The following METTL2A variants were observed in gnomAD, a reference collection of about 807,000 sequenced individuals.
METTL2A encodes tRNA N(3)-cytidine methyltransferase METTL2A.
In METTL2A, 45 loss-of-function variants were observed where a neutral mutation model predicts 49.4. The observed-to-expected ratio is 0.91, with a 90% CI of 0.72 to 1.17. METTL2A has a LOEUF of 1.17. Ranked by LOEUF, METTL2A falls within the 50% of genes most tolerant of loss-of-function variation. METTL2A has a pLI of 0.00. For missense variants in METTL2A, 361 were observed against 462.2 expected (o/e 0.78, Z 2.01); for synonymous variants, 118 against 167.5 (o/e 0.70, Z 2.28).
In METTL2A at chr17:62,444,106, A is replaced by G. The variant is rs139872255; in HGVS notation, c.810-731A>G. On this transcript the variant is annotated intron_variant, in intron 6 of 8. Coordinates refer to ENST00000311506, the MANE Select transcript of METTL2A (RefSeq NM_181725.4). ...ACAAGTCTTCATTTAACAAACAGAA[A>G]GATACAGCCCCTACATTGAAAGAGC... 1.6e-4 allele frequency among the ~76,000 whole-genome samples: 24 copies of G among 152,316 alleles called. No individual in the cohort carries two copies. The East Asian group carries it at 4.4e-3, about 28-fold the overall frequency.
rs552379544 is a variant in METTL2A, at chr17:62,430,262, A to T, written c.608+2425A>T. 2.0e-5 allele frequency among the ~76,000 whole-genome samples: 3 copies of T among 152,344 alleles called. No homozygotes were observed. In the South Asian group the frequency reaches 6.2e-4, roughly 32 times the overall value. ...GTCTGAGGAACCCACCTCAAATGGG[A>T]GATTGACTTAGCTTCAAGTTATGGC... On this transcript the variant is annotated intron_variant, in intron 4 of 8. Transcript: ENST00000311506.
intron 4 of METTL2A, among the ~76,000 whole-genome samples, chr17:62,434,553 T>G (rs138214294): frequency 8.5e-5 from 13 of 152,310 alleles, no homozygotes; most frequent in Non-Finnish European, 1.6e-4. Flanking sequence ...GCATTACAAA[T>G]TGTTTTGTAT....
chr17:62,448,683 G>A lies in METTL2A; in HGVS notation c.1091G>A (p.Trp364Ter). Residue 364 changes from tryptophan to a stop codon, truncating the protein, a stop_gained, in exon 9 of 9, where the codon TGG becomes TAG. Transcript: ENST00000311506. LOFTEE classifies it high-confidence loss of function. ...AAGCAACTGACAATGTACCGGGTTT[G>A]GATTCAGTGCAAATACTGCAAGCCC... ...RGKQLTMYRV[W>*]IQCKYCKPLL... The A allele has an allele frequency of 1.2e-6, 2 of 1,614,176 alleles. No individual in the cohort carries two copies. Among genetic ancestry groups the A allele is most frequent in the Non-Finnish European group, 1.7e-6 (2 of 1,180,046 alleles).
In METTL2A at chr17:62,452,141, T is replaced by C. The variant is rs1431614847; in HGVS notation, c.*3412T>C. 1.3e-5 allele frequency among the ~76,000 whole-genome samples: 2 copies of C among 152,244 alleles called. No individual in the cohort carries two copies. Among genetic ancestry groups the C allele is most frequent in the Admixed American group, 6.5e-5 (1 of 15,282 alleles). On this transcript the variant is annotated 3_prime_UTR_variant, in exon 9 of 9. Coordinates refer to ENST00000311506, the MANE Select transcript of METTL2A (RefSeq NM_181725.4). ...GTCTCAGTCTCCTTCAGTCTACGGG[T>C]TAGGCTTGCTTTTGCACCTTTGCAT...
intron 8 of METTL2A, among the ~76,000 whole-genome samples, chr17:62,448,364 A>T (rs1232861804): frequency 6.6e-6 from 1 of 152,164 alleles, no homozygotes; most frequent in Admixed American, 6.6e-5. Flanking sequence ...AAAGGTTTTT[A>T]AAAAAGAAAA....
intron 2 of METTL2A, 124 bp downstream of exon 2, chr17:62,424,434 A>T: frequency 7.1e-7 from 1 of 1,398,856 alleles, no homozygotes. Flanking sequence ...AGATCTCAGG[A>T]GTAGAGCGGG....
rs2144163442 is a variant in METTL2A, at chr17:62,450,335, T to C, written c.*1606T>C. The C allele has an allele frequency of 7.0e-6, 1 of 142,572 alleles. No individual in the cohort carries two copies. 8.8% of individuals were successfully genotyped at this position (142,572 alleles called of 1,614,324 possible). ...TGGAGTTCAGTGGTGCAATGATAGCTCATTATCACCTCAAACTTCTGGCTC... is the reference window on the plus strand; with the variant it reads ...TGGAGTTCAGTGGTGCAATGATAGCCCATTATCACCTCAAACTTCTGGCTC... On this transcript the variant is annotated 3_prime_UTR_variant, in exon 9 of 9. Transcript: ENST00000311506.
chr17:62,425,109 C>T (rs554236809), intron 2 of METTL2A, among the ~76,000 whole-genome samples: 34 of 151,200 alleles, frequency 2.2e-4, no homozygotes, highest in Admixed American at 2.0e-3. Context: ...GACCACAGGA[C>T]ATTAAGTGCT....
At chr17:62,434,181 C>G (rs1307681380) in intron 4 of METTL2A, among the ~76,000 whole-genome samples, 2 of 152,190 alleles carry the variant, frequency 1.3e-5, no homozygotes, top group Non-Finnish European at 2.9e-5. Context: ...TGCATCTTCA[C>G]TCTCCCTTAT....
At chr17:62,436,871 T>C (rs1174522977) in intron 5 of METTL2A, among the ~76,000 whole-genome samples, 1 of 152,202 alleles carries the variant, frequency 6.6e-6, no homozygotes, top group Admixed American at 6.5e-5. Context: ...AAGTCCATTC[T>C]CTCAAACCCT....
chr17:62,424,139 A>G lies in METTL2A; in HGVS notation c.111-80A>G, dbSNP rs538968215. The G allele has an allele frequency of 4.5e-4, 721 of 1,602,180 alleles. 7 individuals are homozygous for G. In the African/African-American group the frequency reaches 8.9e-3, roughly 20 times the overall value. ...CCTACCCGAGGCACTCTCCAAGGGG[A>G]GAGAAACTCCTAGGCCAGCGACTCA... is the stretch of plus-strand genomic sequence containing the variant. On this transcript the variant is annotated intron_variant, in intron 1 of 8. Transcript: ENST00000311506.
rs1265730343 is a variant in METTL2A, at chr17:62,424,410, T to G, written c.202+100T>G. 80 of 1,528,298 alleles carry G rather than the reference T, an allele frequency of 5.2e-5. No individual in the cohort carries two copies. In the South Asian group the frequency reaches 9.1e-4, roughly 17 times the overall value. The allele number at this position is 1,528,298 out of a possible 1,614,324, so 94.7% of individuals were successfully genotyped here. Reference sequence around the variant, plus strand: ...AACCGCGGCCGCCCAGATCCTTTATTCCTGGCCTGATGCAGATCTCAGGAG... The same window carrying G: ...AACCGCGGCCGCCCAGATCCTTTATGCCTGGCCTGATGCAGATCTCAGGAG... On this transcript the variant is annotated intron_variant, in intron 2 of 8. Coordinates refer to ENST00000311506, the MANE Select transcript of METTL2A (RefSeq NM_181725.4).
chr17:62,429,968 G>T (rs2070653892), intron 4 of METTL2A, among the ~76,000 whole-genome samples: 1 of 152,214 alleles, frequency 6.6e-6, no homozygotes, highest in Admixed American at 6.5e-5. Flanking sequence ...ATGGCTCCCG[G>T]CCCTATAGCT....
chr17:62,444,671 C>A (rs2070757279), intron 6 of METTL2A, among the ~76,000 whole-genome samples, 166 bp from the exon 7 acceptor site: 1 of 152,316 alleles, frequency 6.6e-6, no homozygotes, highest in Non-Finnish European at 1.5e-5. Context: ...TGTGAGCAGG[C>A]AGCTAATGTC....
At chr17:62,434,009 T>A (rs140697729) in intron 4 of METTL2A, among the ~76,000 whole-genome samples, 211 of 151,946 alleles carry the variant, frequency 1.4e-3, no homozygotes, top group African/African-American at 4.9e-3. Context: ...CTGCAATGAG[T>A]CTTTGAGAAA....
intron 4 of METTL2A, among the ~76,000 whole-genome samples, chr17:62,434,068 C>T (rs370779151): frequency 2.0e-5 from 3 of 152,096 alleles, no homozygotes; most frequent in Admixed American, 1.3e-4. Flanking sequence ...AATGGGTACT[C>T]GGCAGATGCA....
rs111753153 is a variant in METTL2A, at chr17:62,447,778, C to T, written c.982+12C>T. ...CTTCTTCACACAAGGTATGAAACAC[C>T]CATCTTTTTACACTAAAAGTCCCCA... On this transcript the variant is annotated intron_variant, in intron 8 of 8. Transcript: ENST00000311506. 4.3e-3 allele frequency: 6,837 copies of T among 1,605,782 alleles called. 230 individuals are homozygous for T. The African/African-American group carries it at 0.075, about 18-fold the overall frequency.
intron 6 of METTL2A, among the ~76,000 whole-genome samples, 157 bp downstream of exon 6, chr17:62,440,913 C>T (rs1422126516): frequency 6.6e-6 from 1 of 152,128 alleles, no homozygotes; most frequent in African/African-American, 2.4e-5. Flanking sequence ...TTAAATGATC[C>T]TCCCTCCTCA....
chr17:62,425,115 G>A (rs2070614720), intron 2 of METTL2A, among the ~76,000 whole-genome samples: 1 of 151,244 alleles, frequency 6.6e-6, no homozygotes, highest in African/African-American at 2.4e-5. Context: ...AGGACATTAA[G>A]TGCTTTTCCC....
Sources: gnomAD v4.1 joint callset for allele counts (sites outside exome capture counted in the v4.1 genomes callset) on GRCh38, gnomAD v4.1.1 for gene constraint, MANE v1.5 for transcripts, NCBI Gene and HGNC (gene_info 2026-07-23, HGNC 2026-07-21) for gene names.